Variants in PDE7B observed in about 807,000 individuals in gnomAD.
PDE7B encodes 3',5'-cyclic-AMP phosphodiesterase 7B.
A neutral mutation model predicts 56.2 loss-of-function variants in PDE7B; 29 were observed. The observed-to-expected ratio is 0.52, with a 90% CI of 0.38 to 0.70. The LOEUF (loss-of-function observed/expected upper bound fraction) is 0.70. Ranked by LOEUF, PDE7B falls within the 30% of genes least tolerant of loss-of-function variation. PDE7B has a pLI of 0.00. For synonymous variants in PDE7B, 197 were observed against 196.9 expected (o/e 1.00, Z 0.00); for missense variants, 490 against 565.0 (o/e 0.87, Z 1.35).
At chr6:135,861,638 T>C (rs144904145) in intron 1 of PDE7B, among the ~76,000 whole-genome samples, 1,824 of 151,674 alleles carry the variant, frequency 0.012, 23 homozygotes, top group South Asian at 0.051. Context: ...TTTGATTCTT[T>C]ACATTTTCAT....
chr6:135,985,735 G>A (rs186614793), intron 2 of PDE7B, among the ~76,000 whole-genome samples: 13 of 152,288 alleles, frequency 8.5e-5, no homozygotes, highest in Admixed American at 8.5e-4. Context: ...GTTAGTTCAA[G>A]CCTGGCTTAA....
intron 2 of PDE7B, among the ~76,000 whole-genome samples, chr6:136,076,194 G>A (rs1244994630): frequency 1.3e-5 from 2 of 152,134 alleles, no homozygotes; most frequent in Admixed American, 6.5e-5. Context: ...GATGCAGCCG[G>A]GCATGGTGGC....
intron 2 of PDE7B, among the ~76,000 whole-genome samples, chr6:135,983,886 A>C (rs1775336509): frequency 6.6e-6 from 1 of 152,226 alleles, no homozygotes; most frequent in Non-Finnish European, 1.5e-5. Context: ...CCCTATGTTT[A>C]CTCAGGTTTC....
chr6:135,878,441 C>T (rs1775542142), intron 1 of PDE7B, among the ~76,000 whole-genome samples: 1 of 152,128 alleles, frequency 6.6e-6, no homozygotes, highest in Non-Finnish European at 1.5e-5. Flanking sequence ...ATAACTTTGA[C>T]AACTTTTCCA....
intron 3 of PDE7B, among the ~76,000 whole-genome samples, chr6:136,134,084 A>G (rs1447616757): frequency 6.6e-6 from 1 of 152,142 alleles, no homozygotes; most frequent in African/African-American, 2.4e-5. Context: ...GGGGGCTGAC[A>G]TGGTAGGAGT....
intron 2 of PDE7B, among the ~76,000 whole-genome samples, chr6:135,959,829 A>C (rs570475290): frequency 6.6e-6 from 1 of 152,098 alleles, no homozygotes; most frequent in East Asian, 1.9e-4. Context: ...GCTGAAGTGC[A>C]GTGGTGTGAT....
At chr6:136,105,339 A>C (rs934440731) in intron 2 of PDE7B, among the ~76,000 whole-genome samples, 1 of 152,248 alleles carries the variant, frequency 6.6e-6, no homozygotes, top group African/African-American at 2.4e-5. Context: ...CCAATTTTTC[A>C]TCTTGATAAT....
At chr6:135,912,817 A>G (rs1204502447) in intron 1 of PDE7B, among the ~76,000 whole-genome samples, 2 of 152,196 alleles carry the variant, frequency 1.3e-5, no homozygotes, top group African/African-American at 2.4e-5. Context: ...ATAGATATCT[A>G]TTTTTATCAT....
chr6:135,888,792 G>A (rs912131941), intron 1 of PDE7B, among the ~76,000 whole-genome samples: 8 of 151,984 alleles, frequency 5.3e-5, no homozygotes, highest in African/African-American at 1.2e-4. Context: ...GGTTTTCTGT[G>A]TTTATAAATA....
chr6:135,861,402 C>T (rs1368804573), intron 1 of PDE7B, among the ~76,000 whole-genome samples: 1 of 151,496 alleles, frequency 6.6e-6, no homozygotes, highest in Non-Finnish European at 1.5e-5. Context: ...TTTTCACTTC[C>T]CTGTTTACTA....
At chr6:135,874,889 T>A (rs1775461744) in intron 1 of PDE7B, among the ~76,000 whole-genome samples, 1 of 152,162 alleles carries the variant, frequency 6.6e-6, no homozygotes, top group Non-Finnish European at 1.5e-5. Context: ...TGTAATTCTG[T>A]CAATTTTTGC....
chr6:136,002,705 T>C (rs1472964561), intron 2 of PDE7B, among the ~76,000 whole-genome samples: 1 of 152,046 alleles, frequency 6.6e-6, no homozygotes, highest in East Asian at 1.9e-4. Context: ...ATAAAGCAAG[T>C]CCCTAGTGAC....
chr6:136,007,976 C>A (rs1179378886), intron 2 of PDE7B, among the ~76,000 whole-genome samples: 2 of 151,494 alleles, frequency 1.3e-5, no homozygotes, highest in Non-Finnish European at 1.5e-5. Context: ...AATGCTATCC[C>A]TCCCCCATCC....
intron 2 of PDE7B, among the ~76,000 whole-genome samples, chr6:136,103,566 A>G (rs1048913631): frequency 2.6e-5 from 4 of 152,184 alleles, no homozygotes; most frequent in Non-Finnish European, 4.4e-5. Flanking sequence ...AGTGACATGA[A>G]TTAGTAATGT....
chr6:136,146,326 A>ATAT (rs1264919999), intron 3 of PDE7B, among the ~76,000 whole-genome samples: 5 of 152,208 alleles, frequency 3.3e-5, no homozygotes, highest in Admixed American at 3.3e-4. Context: ...GAGATAAGAA[A>ATAT]TATCTTGACA....
At chr6:136,163,627 T>C (rs1270320312) in intron 8 of PDE7B, among the ~76,000 whole-genome samples, 2 of 152,256 alleles carry the variant, frequency 1.3e-5, no homozygotes, top group Admixed American at 6.5e-5. Flanking sequence ...AAATGGGTTT[T>C]TCTTTTCTAT....
chr6:136,088,979 TATGCCTTTCCCCCGCCAAA>T (rs1277084173), intron 2 of PDE7B, among the ~76,000 whole-genome samples: 1 of 151,576 alleles, frequency 6.6e-6, no homozygotes, highest in Non-Finnish European at 1.5e-5. Flanking sequence ...CCCCAGCCTG[TATGCCTTTCCCCCGCCAAA>T]AAAAAAAAGA....
At chr6:136,145,501 G>C (rs1778399821) in intron 3 of PDE7B, among the ~76,000 whole-genome samples, 1 of 152,228 alleles carries the variant, frequency 6.6e-6, no homozygotes, top group South Asian at 2.1e-4. Flanking sequence ...ACCAGAATCT[G>C]GGTGCTAGAA....
chr6:136,160,952 T>C (rs1266729693), intron 8 of PDE7B, among the ~76,000 whole-genome samples: 2 of 152,168 alleles, frequency 1.3e-5, no homozygotes, highest in African/African-American at 2.4e-5. Flanking sequence ...AAGTAAAATA[T>C]GTCCTCTATT....
Sources: gnomAD v4.1 joint callset for allele counts (sites outside exome capture counted in the v4.1 genomes callset) on GRCh38, gnomAD v4.1.1 for gene constraint, MANE v1.5 for transcripts, NCBI Gene and HGNC (gene_info 2026-07-23, HGNC 2026-07-21) for gene names.